UGT2A1: variants seen among roughly 807,000 people sequenced by gnomAD.
UGT2A1 encodes UDP glucuronosyltransferase family 2 member A1 complex locus.
In UGT2A1, 61 loss-of-function variants were observed where a neutral mutation model predicts 45.4. The ratio of observed to expected loss-of-function variants is 1.34; its 90% CI spans 1.09 to 1.66. The LOEUF is 1.66. Ranked by LOEUF, UGT2A1 falls within the 40% of genes most tolerant of loss-of-function variation. UGT2A1 has a pLI of 0.00. For synonymous variants in UGT2A1, 229 were observed against 196.2 expected, an observed-to-expected ratio of 1.17 and a Z score of -1.40; for missense variants, 649 against 574.3, an observed-to-expected ratio of 1.13 and a Z score of -1.33.
In UGT2A1 at chr4:69,588,440, T is replaced by C. The variant is rs1718377305; in HGVS notation, c.*932A>G. On this transcript the variant is annotated 3_prime_UTR_variant, in exon 7 of 7. Coordinates refer to ENST00000286604, the MANE Select transcript of UGT2A1 (RefSeq NM_001252275.3). ...TATCAAATTCCAAGTAAGCATTTTT[T>C]ATTTTTTGGCATAAAATTAAACTTT... The C allele has an allele frequency of 6.6e-6, 1 of 152,128 alleles. No individual in the cohort carries two copies. The highest frequency in any genetic ancestry group is 1.5e-5 in the Non-Finnish European group (1 of 67,990). The allele number at this position is 152,128 out of a possible 1,614,324, so 9.4% of individuals were successfully genotyped here.
chr4:69,620,678 A>G (rs1318935636), intron 3 of UGT2A1, among the ~76,000 whole-genome samples: 1 of 151,352 alleles, frequency 6.6e-6, no homozygotes, highest in Non-Finnish European at 1.5e-5. Context: ...GAGCCACAAA[A>G]GCCAAGGCAA....
intron 3 of UGT2A1, among the ~76,000 whole-genome samples, chr4:69,608,159 T>G: frequency 6.6e-6 from 1 of 152,084 alleles, no homozygotes; most frequent in East Asian, 1.9e-4. Context: ...AGCAAAGACT[T>G]GGAACCAACC....
intron 4 of UGT2A1, among the ~76,000 whole-genome samples, chr4:69,595,753 G>A (rs562350631): frequency 6.6e-6 from 1 of 152,160 alleles, no homozygotes; most frequent in Non-Finnish European, 1.5e-5. Flanking sequence ...TTTTTAGCTA[G>A]AGAATATTCA....
intron 4 of UGT2A1, chr4:69,596,405 TTACAAAGG>T (rs781553714): frequency 6.5e-7 from 1 of 1,534,092 alleles, no homozygotes; most frequent in Admixed American, 2.0e-5. Flanking sequence ...ATATTTTCTA[TTACAAAGG>T]TGTAGCATCA....
chr4:69,649,268 G>A (rs567877423), intron 1 of UGT2A1, among the ~76,000 whole-genome samples: 1 of 152,182 alleles, frequency 6.6e-6, no homozygotes, highest in African/African-American at 2.4e-5. Flanking sequence ...AAGTTTAACA[G>A]AGTAATCATA....
chr4:69,599,641 GA>G (rs1290275776), intron 3 of UGT2A1: 3 of 402,666 alleles, frequency 7.5e-6, no homozygotes, highest in Non-Finnish European at 1.3e-5. Flanking sequence ...GGGAGGGAGA[GA>G]GAGGAAAGCA....
chr4:69,597,273 C>T (rs933649855), intron 4 of UGT2A1, among the ~76,000 whole-genome samples: 1 of 152,124 alleles, frequency 6.6e-6, no homozygotes, highest in Non-Finnish European at 1.5e-5. Context: ...CACAATGATG[C>T]GTATGAGACA....
chr4:69,595,073 T>A lies in UGT2A1; in HGVS notation c.1084+89A>T, dbSNP rs541958893. ...AGTGTCAAATAACATTTTAAATTAT[T>A]AAAAATGTATTGAATTTATTTGCTA... On this transcript the variant is annotated intron_variant, in intron 5 of 6. Transcript: ENST00000286604. 34 of 1,488,210 alleles carry A rather than the reference T, an allele frequency of 2.3e-5. 1 individual carries two copies. The highest frequency in any genetic ancestry group is 3.0e-5 in the Non-Finnish European group (32 of 1,083,930). The allele number at this position is 1,488,210 out of a possible 1,614,324, so 92.2% of individuals were successfully genotyped here. A position where few individuals can be genotyped will look rare whatever the true frequency, so the allele number is the denominator to read the frequency against.
At chr4:69,628,787 C>A (rs190323010) in intron 3 of UGT2A1, among the ~76,000 whole-genome samples, 1 of 148,008 alleles carries the variant, frequency 6.8e-6, no homozygotes, top group Non-Finnish European at 1.5e-5. Context: ...AAATAAAATA[C>A]GTGAAATGCC....
At chr4:69,613,392 T>C (rs1174825070) in intron 3 of UGT2A1, among the ~76,000 whole-genome samples, 1 of 151,978 alleles carries the variant, frequency 6.6e-6, no homozygotes, top group Non-Finnish European at 1.5e-5. Context: ...CACTGTTGAA[T>C]TCTACCAAAC....
intron 2 of UGT2A1, among the ~76,000 whole-genome samples, chr4:69,644,797 T>C (rs1024566524): frequency 6.6e-6 from 1 of 151,842 alleles, no homozygotes; most frequent in Admixed American, 6.6e-5. Context: ...CTAATTATAA[T>C]TGGTTTACCA....
intron 3 of UGT2A1, 90 bp downstream of exon 3, chr4:69,635,601 G>A (rs373758362): frequency 5.1e-5 from 9 of 176,194 alleles, no homozygotes; most frequent in East Asian, 1.9e-4. Context: ...AGGCCAAGGC[G>A]GGTGGATAAC....
intron 3 of UGT2A1, among the ~76,000 whole-genome samples, chr4:69,604,588 A>C (rs1198141722): frequency 7.3e-6 from 1 of 136,666 alleles, no homozygotes; most frequent in East Asian, 2.1e-4. Context: ...CTTAAACATA[A>C]ATGGGCTAAA....
intron 3 of UGT2A1, among the ~76,000 whole-genome samples, chr4:69,618,392 A>G (rs1720544047): frequency 6.6e-6 from 1 of 151,934 alleles, no homozygotes; most frequent in Non-Finnish European, 1.5e-5. Context: ...ACAGGTTGGC[A>G]AAAGGCTTTG....
chr4:69,638,996 A>G, intron 2 of UGT2A1: 3 of 1,613,214 alleles, frequency 1.9e-6, no homozygotes, highest in Non-Finnish European at 2.5e-6. Flanking sequence ...TCCTTTCACC[A>G]AAGGTCATCT....
chr4:69,594,454 T>C (rs756882987), intron 6 of UGT2A1, 23 bp downstream of exon 6: 3 of 1,607,688 alleles, frequency 1.9e-6, no homozygotes, highest in East Asian at 2.2e-5. Flanking sequence ...GTTAGGCAAG[T>C]TTTTAGGAGC....
chr4:69,649,121 T>G (rs1020369067), intron 1 of UGT2A1, among the ~76,000 whole-genome samples: 4 of 152,112 alleles, frequency 2.6e-5, no homozygotes, highest in African/African-American at 9.7e-5. Flanking sequence ...TGTTAATAAA[T>G]CTTCTGAAAT....
intron 2 of UGT2A1, among the ~76,000 whole-genome samples, chr4:69,645,931 C>A (rs1722239914): frequency 6.6e-6 from 1 of 151,774 alleles, no homozygotes; most frequent in African/African-American, 2.4e-5. Flanking sequence ...CTTCCCCATT[C>A]TTACCTTGCA....
chr4:69,598,560 A>C (rs1363367027), intron 4 of UGT2A1, among the ~76,000 whole-genome samples: 1 of 152,150 alleles, frequency 6.6e-6, no homozygotes, highest in East Asian at 1.9e-4. Flanking sequence ...TAGCTACTTT[A>C]TGCTGATGAA....
Sources: gnomAD v4.1 joint callset for allele counts (sites outside exome capture counted in the v4.1 genomes callset) on GRCh38, gnomAD v4.1.1 for gene constraint, MANE v1.5 for transcripts, NCBI Gene and HGNC (gene_info 2026-07-23, HGNC 2026-07-21) for gene names.